FAM120A: variants seen among roughly 807,000 people sequenced by gnomAD.
FAM120A encodes family with sequence similarity 120 member A.
A neutral mutation model predicts 109.7 loss-of-function variants in FAM120A; 15 were observed. The ratio of observed to expected loss-of-function variants is 0.14; its 90% CI spans 0.09 to 0.21. The LOEUF is 0.21. Among genes scored for constraint, FAM120A ranks in the 10% least tolerant of loss-of-function variants. The probability of loss-of-function intolerance (pLI) is 1.00; values close to 1 mark genes in which losing one functional copy is unlikely to be tolerated. For missense variants in FAM120A, 899 were observed against 1,439.3 expected (o/e 0.62, Z 6.07); for synonymous variants, 493 against 572.8 (o/e 0.86, Z 1.99).
intron 1 of FAM120A, among the ~76,000 whole-genome samples, chr9:93,458,584 AG>A (rs1215745048): frequency 1.3e-5 from 2 of 152,232 alleles, no homozygotes; most frequent in African/African-American, 2.4e-5. Context: ...AAAAGGTCGA[AG>A]AAATGCTTTG....
At chr9:93,524,683 AAGGGTCT>A (rs1303624661) in intron 7 of FAM120A, among the ~76,000 whole-genome samples, 3 of 152,198 alleles carry the variant, frequency 2.0e-5, no homozygotes, top group Admixed American at 1.3e-4. Context: ...AGTTTGAAAT[AAGGGTCT>A]GGGTTTGAAT....
In FAM120A at chr9:93,564,401, C is replaced by T. The variant is rs1189935157; in HGVS notation, c.3218C>T (p.Ala1073Val). The change falls in exon 18 of 18, where the codon GCC (alanine) becomes GTC (valine). Residue 1073 changes from alanine (A) to valine (V), a missense_variant. Physicochemically the swap from Ala to Val is moderately conservative, Grantham distance 64 (BLOSUM62 0). Transcript: ENST00000277165. Reference sequence around the variant, plus strand: ...AACGGGAGCACGGGTGACGCCAGGGCCCCCAGCCACTCTGAAAGTGCCTTG... The same window carrying T: ...AACGGGAGCACGGGTGACGCCAGGGTCCCCAGCCACTCTGAAAGTGCCTTG... Reference protein sequence around the residue: ...QMNGSTGDARAPSHSESALNN... With the variant: ...QMNGSTGDARVPSHSESALNN... 1.2e-6 allele frequency: 2 copies of T among 1,614,064 alleles called. No individual in the cohort carries two copies. Among genetic ancestry groups the T allele is most frequent in the South Asian group, 1.1e-5 (1 of 91,082 alleles).
chr9:93,503,261 T>C (rs561465207), intron 5 of FAM120A, among the ~76,000 whole-genome samples: 7 of 152,338 alleles, frequency 4.6e-5, no homozygotes, highest in Admixed American at 2.0e-4. Flanking sequence ...TGAAAACTTA[T>C]GTCTACGCAA....
intron 7 of FAM120A, among the ~76,000 whole-genome samples, chr9:93,519,841 C>T (rs883785): frequency 0.077 from 11,683 of 152,122 alleles, 579 homozygotes; most frequent in Non-Finnish European, 0.1. Context: ...AAAAAGCTTC[C>T]TATGAATTAA....
chr9:93,505,455 A>G (rs1040246957), intron 5 of FAM120A, among the ~76,000 whole-genome samples: 7 of 152,338 alleles, frequency 4.6e-5, no homozygotes, highest in Admixed American at 6.5e-5. Context: ...AATGGACTGC[A>G]AATAATAATC....
intron 15 of FAM120A, among the ~76,000 whole-genome samples, chr9:93,559,650 T>A (rs1862406423): frequency 6.6e-6 from 1 of 152,248 alleles, no homozygotes. Context: ...GCTCTGTGAC[T>A]GCTCCTCATG....
intron 7 of FAM120A, among the ~76,000 whole-genome samples, chr9:93,518,284 C>T (rs1395209746): frequency 2.6e-5 from 4 of 152,002 alleles, no homozygotes; most frequent in African/African-American, 4.8e-5. Flanking sequence ...AGGGGTATGA[C>T]GCGTGTGCCA....
rs1277735016 is a variant in FAM120A at position 93,550,625 on chromosome 9, A to G, written c.2208A>G (p.Leu736=). 6.2e-7 allele frequency: 1 copy of G among 1,613,900 alleles called. No homozygotes were observed. The highest frequency in any genetic ancestry group is 8.5e-7 in the Non-Finnish European group (1 of 1,180,034). ...CACGCATCCTTCGGCGTCAGGAGCTAGATGCCTTCCTGGCTCAGGCGCTGT... is the reference window on the plus strand; with the variant it reads ...CACGCATCCTTCGGCGTCAGGAGCTGGATGCCTTCCTGGCTCAGGCGCTGT... ...PGARILRRQE[L]DAFLAQALSP... Residue 736 remains leucine, a synonymous_variant, in exon 12 of 18, where the codon CTA becomes CTG. Coordinates refer to ENST00000277165, the MANE Select transcript of FAM120A (RefSeq NM_014612.5).
rs1286332250 is a variant in FAM120A, at chr9:93,532,928, A to G, written c.1909+599A>G. On this transcript the variant is annotated intron_variant, in intron 10 of 17. Transcript: ENST00000277165. The surrounding 1 kb of genome is among the most constrained non-coding windows in gnomAD (Gnocchi z 4.3). ...GGTGCAGGTGGAAACACTGAAAAGGATTGTTTGAAAAGTTGGTCAAAGATG... is the reference window on the plus strand; with the variant it reads ...GGTGCAGGTGGAAACACTGAAAAGGGTTGTTTGAAAAGTTGGTCAAAGATG... 2.6e-5 allele frequency among the ~76,000 whole-genome samples: 4 copies of G among 152,126 alleles called. No homozygotes were observed. Among genetic ancestry groups the G allele is most frequent in the Non-Finnish European group, 5.9e-5 (4 of 68,028 alleles).
intron 7 of FAM120A, among the ~76,000 whole-genome samples, chr9:93,520,257 TG>T: frequency 6.6e-6 from 1 of 152,008 alleles, no homozygotes; most frequent in Non-Finnish European, 1.5e-5. Flanking sequence ...GAGGCTGAGG[TG>T]GGAGGATCAC....
chr9:93,561,397 T>A, intron 16 of FAM120A, 147 bp downstream of exon 16: 2 of 735,542 alleles, frequency 2.7e-6, no homozygotes, highest in Non-Finnish European at 4.1e-6. Context: ...ATTTAGTTTT[T>A]ATTTATTTAT....
rs149081739 is a variant in FAM120A, at chr9:93,562,533, C to T, written c.3045+229C>T. Among the ~76,000 whole-genome samples, 153 of 152,312 alleles carry T rather than the reference C, an allele frequency of 1.0e-3. 2 individuals carry two copies. The highest frequency in any genetic ancestry group is 6.8e-3 in the Middle Eastern group (2 of 294). On this transcript the variant is annotated intron_variant, in intron 17 of 17. Transcript: ENST00000277165. ...CTCTTCAGGTTGTCTCTCCCCTTTGCCATGACCCTGTGTCTCTGGTAGCTT... is the reference window on the plus strand; with the variant it reads ...CTCTTCAGGTTGTCTCTCCCCTTTGTCATGACCCTGTGTCTCTGGTAGCTT...
chr9:93,512,722 C>T (rs1860387959), intron 5 of FAM120A, among the ~76,000 whole-genome samples: 1 of 152,312 alleles, frequency 6.6e-6, no homozygotes, highest in East Asian at 1.9e-4. Context: ...CCGATATAGA[C>T]GAAGGCCTGA....
At chr9:93,457,517 A>G (rs1245852892) in intron 1 of FAM120A, among the ~76,000 whole-genome samples, 1 of 152,174 alleles carries the variant, frequency 6.6e-6, no homozygotes, top group African/African-American at 2.4e-5. Flanking sequence ...ATAGTATTCC[A>G]TAATTTATCC....
intron 12 of FAM120A, among the ~76,000 whole-genome samples, chr9:93,552,552 G>A (rs755430094): frequency 2.6e-5 from 4 of 151,560 alleles, no homozygotes; most frequent in Non-Finnish European, 4.4e-5. Flanking sequence ...ATTTGTTGGG[G>A]GGGAAAGGCA....
chr9:93,558,784 G>A (rs540230021), intron 15 of FAM120A, 66 bp downstream of exon 15: 179 of 1,570,866 alleles, frequency 1.1e-4, no homozygotes, highest in South Asian at 1.5e-4. Context: ...ATCGTCTGGC[G>A]CCTTCCTTCC....
Position 93,484,277 on chromosome 9 carries a change from G to A in FAM120A, c.804+7939G>A, listed in dbSNP as rs959207746. 4.6e-5 allele frequency among the ~76,000 whole-genome samples: 7 copies of A among 152,112 alleles called. No individual in the cohort carries two copies. In the South Asian group the frequency reaches 1.5e-3, roughly 32 times the overall value. On this transcript the variant is annotated intron_variant, in intron 3 of 17. Coordinates refer to ENST00000277165, the MANE Select transcript of FAM120A (RefSeq NM_014612.5). ...CTCCAGTCATATTGCTGGGAAGAAA[G>A]GGATACAAGTTGTGGGAGGTTTATG...
intron 1 of FAM120A, among the ~76,000 whole-genome samples, chr9:93,464,874 T>G (rs1857946321): frequency 6.6e-6 from 1 of 152,228 alleles, no homozygotes; most frequent in African/African-American, 2.4e-5. Context: ...TCGAGGGGGT[T>G]CAAAATCAAA....
intron 10 of FAM120A, among the ~76,000 whole-genome samples, chr9:93,540,156 G>A (rs1861644354): frequency 6.6e-6 from 1 of 152,138 alleles, no homozygotes; most frequent in African/African-American, 2.4e-5. Context: ...TCCCTCTCAG[G>A]CACATGCCTG....
Sources: gnomAD v4.1 joint callset for allele counts (sites outside exome capture counted in the v4.1 genomes callset) on GRCh38, gnomAD v4.1.1 for gene constraint, Gnocchi (gnomAD v3.1) non-coding constraint, MANE v1.5 for transcripts, NCBI Gene and HGNC (gene_info 2026-07-23, HGNC 2026-07-21) for gene names.